The following TMEM132B variants were observed in gnomAD, a reference collection of about 807,000 sequenced individuals.
The protein encoded by TMEM132B is transmembrane protein 132B.
In TMEM132B, 18 loss-of-function variants were observed where a neutral mutation model predicts 90.8. The observed-to-expected ratio is 0.20, with a 90% CI of 0.14 to 0.29. TMEM132B has a LOEUF of 0.29. TMEM132B is among the 10% of genes least tolerant of loss of function. The pLI is 1.00. For synonymous variants in TMEM132B, 504 were observed against 523.3 expected, an observed-to-expected ratio of 0.96 and a Z score of 0.50; for missense variants, 1,096 against 1,326.8, an observed-to-expected ratio of 0.83 and a Z score of 2.70.
At position 125,460,256 on chromosome 12, in the gene TMEM132B, C is replaced by A. The variant is rs1398437995; in HGVS notation, c.1106+44579C>A. Among the ~76,000 whole-genome samples the A allele has an allele frequency of 6.6e-6, 1 of 152,052 alleles. No homozygotes were observed. The highest frequency in any genetic ancestry group is 6.6e-5 in the Admixed American group (1 of 15,258). On this transcript the variant is annotated intron_variant, in intron 3 of 8. Coordinates refer to ENST00000682704, the MANE Select transcript of TMEM132B (RefSeq NM_001366854.1). This position sits in a 1 kb window ranked among gnomAD's most constrained non-coding sequence, Gnocchi z 4.4. ...CTGTAATCCCAGCACTTTGGGAGGC[C>A]GAGGTGGGTGGATCACCTGAGGTCA... is the stretch of plus-strand genomic sequence containing the variant.
intron 5 of TMEM132B, among the ~76,000 whole-genome samples, chr12:125,602,254 G>T (rs1357793138): frequency 6.6e-6 from 1 of 152,176 alleles, no homozygotes; most frequent in Non-Finnish European, 1.5e-5. Context: ...ACATCAAAAA[G>T]CTTATCTACC....
chr12:125,587,931 T>G (rs1335587930), intron 5 of TMEM132B: 1 of 152,024 alleles, frequency 6.6e-6, no homozygotes, highest in East Asian at 1.9e-4. Flanking sequence ...GAAGTGTGAG[T>G]GTTAAGCCTA....
At chr12:125,456,073 G>A (rs1881285079) in intron 3 of TMEM132B, among the ~76,000 whole-genome samples, 1 of 152,116 alleles carries the variant, frequency 6.6e-6, no homozygotes, top group African/African-American at 2.4e-5. Flanking sequence ...AAAAACAAGT[G>A]GCAGGCCGAA....
At chr12:125,359,522 A>G (rs1372169661) in intron 2 of TMEM132B, among the ~76,000 whole-genome samples, 1 of 152,230 alleles carries the variant, frequency 6.6e-6, no homozygotes, top group Non-Finnish European at 1.5e-5. Flanking sequence ...TCTGATAGAC[A>G]AATATACACT....
rs76759385 is a variant in TMEM132B, at chr12:125,216,998, C to G, written c.67+30132C>G. On this transcript the variant is annotated intron_variant, in intron 1 of 8. Transcript: ENST00000682704. Reference sequence around the variant, plus strand: ...GCCACTCGGCCGCGCAGATGCCTTCCCTGTATGCACTGGCTTGTAATTAAA... The same window carrying G: ...GCCACTCGGCCGCGCAGATGCCTTCGCTGTATGCACTGGCTTGTAATTAAA... 4.3e-3 allele frequency among the ~76,000 whole-genome samples: 656 copies of G among 152,358 alleles called. 25 individuals are homozygous for G. The East Asian group carries it at 0.11, about 26-fold the overall frequency.
At chr12:125,628,095 G>A (rs929971687) in intron 5 of TMEM132B, among the ~76,000 whole-genome samples, 12 of 152,266 alleles carry the variant, frequency 7.9e-5, no homozygotes, top group African/African-American at 2.2e-4. Context: ...ATTGTCAACA[G>A]TGCTGCAACA....
At chr12:125,322,140 G>A (rs1005045945) in intron 1 of TMEM132B, among the ~76,000 whole-genome samples, 2 of 152,190 alleles carry the variant, frequency 1.3e-5, no homozygotes, top group Non-Finnish European at 2.9e-5. Flanking sequence ...ACGTGTCGTG[G>A]GAGGGACCCG....
chr12:125,496,092 T>C (rs1346165646), intron 3 of TMEM132B, among the ~76,000 whole-genome samples: 1 of 152,202 alleles, frequency 6.6e-6, no homozygotes, highest in African/African-American at 2.4e-5. Flanking sequence ...GGCTCTTCAC[T>C]TGGTTGAATC....
chr12:125,547,903 A>G (rs1884131333), intron 4 of TMEM132B, among the ~76,000 whole-genome samples: 1 of 152,198 alleles, frequency 6.6e-6, no homozygotes, highest in African/African-American at 2.4e-5. Context: ...GAGTTAGCAC[A>G]TGGCCAAGAA....
At chr12:125,482,557 A>G (rs1246673945) in intron 3 of TMEM132B, among the ~76,000 whole-genome samples, 1 of 152,216 alleles carries the variant, frequency 6.6e-6, no homozygotes, top group Admixed American at 6.5e-5. Flanking sequence ...ACCATCTCAC[A>G]CCAGTTAGAA....
intron 2 of TMEM132B, among the ~76,000 whole-genome samples, chr12:125,389,550 GTTCCTCATT>G (rs1218577136): frequency 1.3e-5 from 2 of 151,970 alleles, no homozygotes; most frequent in African/African-American, 4.8e-5. Context: ...TAAACTTTCT[GTTCCTCATT>G]TTCCTCATTA....
intron 1 of TMEM132B, among the ~76,000 whole-genome samples, chr12:125,193,769 G>A (rs773452088): frequency 8.5e-5 from 13 of 152,124 alleles, no homozygotes; most frequent in South Asian, 2.1e-4. Flanking sequence ...TAAGCACTTG[G>A]GACACAGCAG....
chr12:125,243,380 C>T (rs1401046185), intron 1 of TMEM132B, among the ~76,000 whole-genome samples: 2 of 151,022 alleles, frequency 1.3e-5, no homozygotes, highest in Non-Finnish European at 2.9e-5. Context: ...AATCTTGGCT[C>T]ACTGCAACCT....
At position 125,407,978 on chromosome 12, in the gene TMEM132B, G is replaced by C. The variant is rs536975699; in HGVS notation, c.960-7553G>C. Among the ~76,000 whole-genome samples, 2 of 152,350 alleles carry C rather than the reference G, an allele frequency of 1.3e-5. No homozygotes were observed. Among genetic ancestry groups the C allele is most frequent in the African/African-American group, 4.8e-5 (2 of 41,572 alleles). On this transcript the variant is annotated intron_variant, in intron 2 of 8. Coordinates refer to ENST00000682704, the MANE Select transcript of TMEM132B (RefSeq NM_001366854.1). The surrounding 1 kb of genome is among the most constrained non-coding windows in gnomAD (Gnocchi z 6.7). Reference sequence around the variant, plus strand: ...ACAACCACCAAGTAATCGGCATGCAGAAGGAGAGACAGAGCATGGCAGGGT... The same window carrying C: ...ACAACCACCAAGTAATCGGCATGCACAAGGAGAGACAGAGCATGGCAGGGT...
chr12:125,642,018 TG>T (rs535587513), intron 5 of TMEM132B, among the ~76,000 whole-genome samples: 3 of 152,040 alleles, frequency 2.0e-5, no homozygotes, highest in Non-Finnish European at 4.4e-5. Context: ...TGAGCAGGGT[TG>T]GGGGGACTTC....
At position 125,650,908 on chromosome 12, in the gene TMEM132B, C is replaced by T. The variant is rs377426574; in HGVS notation, c.1869C>T (p.Asp623=). Residue 623 remains aspartate (D), a synonymous_variant, in exon 7 of 9, where the codon GAC becomes GAT. Coordinates refer to ENST00000682704, the MANE Select transcript of TMEM132B (RefSeq NM_001366854.1). ...VEEPKIAQLQ[D]GRTLAGREPG... is the part of the protein sequence containing the mutation. Reference sequence around the variant, plus strand: ...AGCCGAAAATCGCTCAGTTACAGGACGGCAGGACCCTGGCTGGTCGGGAGC... The same window carrying T: ...AGCCGAAAATCGCTCAGTTACAGGATGGCAGGACCCTGGCTGGTCGGGAGC... 106 of 1,613,240 alleles carry T rather than the reference C, an allele frequency of 6.6e-5. No individual in the cohort carries two copies. Among genetic ancestry groups the T allele is most frequent in the African/African-American group, 1.1e-4 (8 of 74,872 alleles).
At chr12:125,224,680 A>T (rs769582364) in intron 1 of TMEM132B, among the ~76,000 whole-genome samples, 4 of 152,236 alleles carry the variant, frequency 2.6e-5, no homozygotes, top group Non-Finnish European at 5.9e-5. Context: ...GTGTTTTAAG[A>T]GGAAGGGCAG....
chr12:125,392,836 G>A (rs1879064417), intron 2 of TMEM132B, among the ~76,000 whole-genome samples: 1 of 152,218 alleles, frequency 6.6e-6, no homozygotes, highest in African/African-American at 2.4e-5. Flanking sequence ...GAGGTAATAT[G>A]TGTGAAAGTA....
intron 1 of TMEM132B, among the ~76,000 whole-genome samples, chr12:125,258,705 T>C (rs920977844): frequency 6.6e-6 from 1 of 152,090 alleles, no homozygotes; most frequent in African/African-American, 2.4e-5. Flanking sequence ...CAAGATGACA[T>C]TGTAGAAGAG....
Sources: gnomAD v4.1 joint callset for allele counts (sites outside exome capture counted in the v4.1 genomes callset) on GRCh38, gnomAD v4.1.1 for gene constraint, Gnocchi (gnomAD v3.1) non-coding constraint, MANE v1.5 for transcripts, NCBI Gene and HGNC (gene_info 2026-07-23, HGNC 2026-07-21) for gene names.